PLCH2: variants seen among roughly 807,000 people sequenced by gnomAD.
The protein encoded by PLCH2 is phospholipase C eta 2.
A neutral mutation model predicts 134.7 loss-of-function variants in PLCH2; 98 were observed. The observed-to-expected ratio is 0.73, with a 90% CI of 0.62 to 0.86. The LOEUF (loss-of-function observed/expected upper bound fraction) is 0.86. Ranked by LOEUF, PLCH2 falls within the 40% of genes least tolerant of loss-of-function variation. The pLI is 0.00. For synonymous variants in PLCH2, 974 were observed against 827.5 expected (o/e 1.18, Z -3.04); for missense variants, 1,994 against 1,986.6 (o/e 1.00, Z -0.07).
chr1:2,503,602 A>G (rs780572325), intron 21 of PLCH2: 10 of 591,934 alleles, frequency 1.7e-5, no homozygotes, highest in Non-Finnish European at 2.5e-5. Flanking sequence ...GCCCCCACCC[A>G]CGCTGCCTCC....
At chr1:2,490,910 G>A (rs531634339) in intron 10 of PLCH2, among the ~76,000 whole-genome samples, 18 of 152,372 alleles carry the variant, frequency 1.2e-4, no homozygotes, top group African/African-American at 3.8e-4. Context: ...CCAGTGGTGG[G>A]ACTCCAGACC....
intron 2 of PLCH2, among the ~76,000 whole-genome samples, chr1:2,432,826 G>A (rs921613607): frequency 3.3e-5 from 5 of 152,318 alleles, no homozygotes; most frequent in Non-Finnish European, 5.9e-5. Flanking sequence ...TCCCCCGTCC[G>A]GAGGGGCTGT....
In PLCH2 at chr1:2,496,840, G is replaced by A. The variant is rs1642920577; in HGVS notation, c.1946G>A (p.Trp649Ter). Residue 649 changes from tryptophan to a stop codon, truncating the protein, a stop_gained, in exon 15 of 22, where the codon TGG (tryptophan) becomes TAG (stop). Coordinates refer to ENST00000378486, the MANE Select transcript of PLCH2 (RefSeq NM_014638.4). LOFTEE classifies it high-confidence loss of function. ...HDIEMEAASS[W>*]QVSSFSETKA... ...ACCGGCGCCACAGCGGCGTCCAGCT[G>A]GCAGGTGTCGTCCTTCAGCGAGACC... 1.2e-6 allele frequency: 2 copies of A among 1,612,034 alleles called. No individual in the cohort carries two copies. The highest frequency in any genetic ancestry group is 1.7e-5 in the Admixed American group (1 of 60,006).
chr1:2,486,937 G>A lies in PLCH2; in HGVS notation c.847G>A (p.Asp283Asn), dbSNP rs745325185. The A allele has an allele frequency of 2.5e-6, 4 of 1,608,544 alleles. No homozygotes were observed. The highest frequency in any genetic ancestry group is 3.4e-6 in the Non-Finnish European group (4 of 1,177,706). ...GGGTGTGACCCTCGAGAGCTGCCAGGACATCATCGAGCAGTTTGAGCCATG... is the reference window on the plus strand; with the variant it reads ...GGGTGTGACCCTCGAGAGCTGCCAGAACATCATCGAGCAGTTTGAGCCATG... ...MAGVTLESCQ[D>N]IIEQFEPCPE... Residue 283 changes from aspartate to asparagine, a missense_variant, in exon 6 of 22, where the codon GAC becomes AAC. Asp to Asn is a conservative substitution (Grantham distance 23). Around this residue, in one of 2 missense-constraint regions of PLCH2, gnomAD observed 1,094 missense variants for 1,234.3 expected, o/e 0.89. Coordinates refer to ENST00000378486, the MANE Select transcript of PLCH2 (RefSeq NM_014638.4).
At chr1:2,503,149 C>A in intron 21 of PLCH2, 1 of 648,016 alleles carries the variant, frequency 1.5e-6, no homozygotes, top group Non-Finnish European at 2.8e-6. Flanking sequence ...TGAGGCCCGA[C>A]AGGCTGGGAA....
At chr1:2,424,963 G>A (rs757542102), upstream of PLCH2, among the ~76,000 whole-genome samples, 41 of 152,016 alleles carry the variant, frequency 2.7e-4, no homozygotes, top group Non-Finnish European at 2.9e-4. Context: ...TCCATCCTGG[G>A]CAACAGAGCA....
At chr1:2,458,212 ATCAGTCCCCGTAAGGCCCTGC>A (rs1478474723) in intron 2 of PLCH2, among the ~76,000 whole-genome samples, 1 of 152,188 alleles carries the variant, frequency 6.6e-6, no homozygotes, top group Non-Finnish European at 1.5e-5. Context: ...GGGGACTCCT[ATCAGTCCCCGTAAGGCCCTGC>A]TCAGTGCCCG....
intron 2 of PLCH2, among the ~76,000 whole-genome samples, chr1:2,462,172 C>T (rs554407225): frequency 2.4e-4 from 28 of 118,372 alleles, no homozygotes; most frequent in Non-Finnish European, 4.2e-4. Flanking sequence ...ACCCCTCTGC[C>T]TGACACCCCC....
intron 2 of PLCH2, among the ~76,000 whole-genome samples, chr1:2,450,789 C>T (rs980242769): frequency 2.9e-5 from 4 of 138,124 alleles, no homozygotes; most frequent in East Asian, 2.2e-4. Flanking sequence ...TTGGACCAGG[C>T]GCGTTCAAGG....
chr1:2,486,839 G>A, intron 5 of PLCH2, 68 bp from the exon 6 acceptor site: 2 of 1,221,868 alleles, frequency 1.6e-6, no homozygotes, highest in African/African-American at 1.5e-5. Context: ...GTGGTGATGG[G>A]GGAGCTGCCT....
intron 21 of PLCH2, chr1:2,503,692 G>A: frequency 1.5e-6 from 1 of 652,066 alleles, no homozygotes; most frequent in Non-Finnish European, 2.8e-6. Context: ...CCCAAGGAGG[G>A]CCCCGTGTGC....
rs1396880460 is a variant in PLCH2, at chr1:2,494,865, G to C, written c.1669G>C (p.Glu557Gln). Residue 557 changes from glutamate (E) to glutamine (Q), a missense_variant, in exon 12 of 22, where the codon GAA becomes CAA. Glu to Gln is a conservative substitution (Grantham distance 29). Around this residue, in one of 2 missense-constraint regions of PLCH2, gnomAD observed 1,094 missense variants for 1,234.3 expected, o/e 0.89. Transcript: ENST00000378486. Reference protein sequence around the residue: ...SGKLGRKSKAEEDVESGEDAG... With the variant: ...SGKLGRKSKAQEDVESGEDAG... ...TCTCCCCTGGACTCAGAGCAAGGCT[G>C]AAGAGGACGTGGAGTCTGGGGAGGA... The C allele has an allele frequency of 1.2e-6, 2 of 1,605,150 alleles. No homozygotes were observed. Among genetic ancestry groups the C allele is most frequent in the Admixed American group, 3.4e-5 (2 of 59,210 alleles).
chr1:2,500,795 GT>G (rs1643178415), intron 20 of PLCH2: 2 of 29,504 alleles, frequency 6.8e-5, no homozygotes, highest in African/African-American at 2.6e-4. Flanking sequence ...CCCTCCCTCA[GT>G]CCTCCCTCCC....
intron 2 of PLCH2, among the ~76,000 whole-genome samples, chr1:2,450,299 C>T (rs1388783964): frequency 2.0e-5 from 3 of 152,124 alleles, no homozygotes; most frequent in Non-Finnish European, 4.4e-5. Context: ...CCCCGTGGGC[C>T]TCCAGCACAG....
chr1:2,424,401 C>T (rs1638669360), upstream of PLCH2, among the ~76,000 whole-genome samples: 2 of 152,180 alleles, frequency 1.3e-5, no homozygotes, highest in South Asian at 2.1e-4. Flanking sequence ...CCTCTAGGGA[C>T]CAGCTTTCTA....
intron 13 of PLCH2, among the ~76,000 whole-genome samples, chr1:2,496,207 C>G (rs1368956403): frequency 6.6e-6 from 1 of 152,198 alleles, no homozygotes; most frequent in Non-Finnish European, 1.5e-5. Flanking sequence ...ACATCTGATC[C>G]ACGTGTGCCG....
At chr1:2,459,147 C>G (rs1226594724) in intron 2 of PLCH2, among the ~76,000 whole-genome samples, 1 of 152,274 alleles carries the variant, frequency 6.6e-6, no homozygotes, top group Non-Finnish European at 1.5e-5. Flanking sequence ...GGGTTTTTGC[C>G]ATCCGCCAGG....
chr1:2,479,319 A>C (rs866065594), intron 2 of PLCH2: 8 of 173,782 alleles, frequency 4.6e-5, no homozygotes, highest in South Asian at 3.0e-4. Flanking sequence ...GCCTCGATGC[A>C]CCTGAGCGCG....
chr1:2,476,358 G>T lies in PLCH2; in HGVS notation c.-231G>T. 2.2e-6 allele frequency: 1 copy of T among 446,762 alleles called. No individual in the cohort carries two copies. The highest frequency in any genetic ancestry group is 3.5e-5 in the East Asian group (1 of 28,728). 27.7% of individuals were successfully genotyped at this position (446,762 alleles called of 1,614,324 possible). ...CCTTGGTGGCCCTGGAGGGTGGATA[G>T]GCTGGCCTGGGGGCCATCAGGACAG... On this transcript the variant is annotated 5_prime_UTR_variant, in exon 1 of 22. It adds an upstream start codon to the 5' untranslated region. Transcript: ENST00000378486.
Sources: allele counts gnomAD v4.1 joint callset (sites outside exome capture counted in the v4.1 genomes callset), GRCh38; gene constraint gnomAD v4.1.1; regional missense constraint gnomAD v4.1.1; transcripts MANE v1.5; gene names NCBI Gene and HGNC (gene_info 2026-07-23, HGNC 2026-07-21).